The following DOCK9 variants were observed in gnomAD, a reference collection of about 807,000 sequenced individuals.
DOCK9 encodes the protein dedicator of cytokinesis protein 9.
A neutral mutation model predicts 263.3 loss-of-function variants in DOCK9; 89 were observed. The ratio of observed to expected loss-of-function variants is 0.34; its 90% CI spans 0.28 to 0.40. DOCK9 has a LOEUF of 0.40. Ranked by LOEUF, DOCK9 falls within the 10% of genes least tolerant of loss-of-function variation. The pLI is 1.00. For missense variants in DOCK9, 2,140 were observed against 2,603.4 expected, an observed-to-expected ratio of 0.82 and a Z score of 3.87; for synonymous variants, 976 against 973.1, an observed-to-expected ratio of 1.00 and a Z score of -0.06.
chr13:98,999,316 A>G (rs61968896), intron 1 of DOCK9, among the ~76,000 whole-genome samples: 1 of 138,292 alleles, frequency 7.2e-6, no homozygotes, highest in African/African-American at 2.8e-5. Flanking sequence ...ACACACACAC[A>G]CTCTCTCTCT....
intron 3 of DOCK9, among the ~76,000 whole-genome samples, chr13:98,928,004 CAAA>C (rs74265290): frequency 0.018 from 1,113 of 62,236 alleles, 13 homozygotes; most frequent in African/African-American, 0.046. Flanking sequence ...ATCGCACATA[CAAA>C]AAAAAAAAAA....
At chr13:99,085,874 G>A (rs549350126) in intron 1 of DOCK9, among the ~76,000 whole-genome samples, 2 of 151,864 alleles carry the variant, frequency 1.3e-5, no homozygotes, top group African/African-American at 2.4e-5. Context: ...TGCGGGGGAG[G>A]GGGGAGAGTG....
chr13:98,950,386 G>C, intron 2 of DOCK9: 1 of 918,616 alleles, frequency 1.1e-6, no homozygotes, highest in Non-Finnish European at 1.7e-6. Flanking sequence ...GGCTTGATAA[G>C]CCTTCCTCTT....
At chr13:98,843,795 T>C (rs1026053663) in intron 38 of DOCK9, among the ~76,000 whole-genome samples, 3 of 152,172 alleles carry the variant, frequency 2.0e-5, no homozygotes, top group African/African-American at 7.2e-5. Context: ...AGGCCAGCTG[T>C]CTCTCTCCTC....
At chr13:98,940,903 T>C (rs2055722804) in intron 2 of DOCK9, among the ~76,000 whole-genome samples, 1 of 152,178 alleles carries the variant, frequency 6.6e-6, no homozygotes, top group Admixed American at 6.5e-5. Context: ...AAATCTCTCA[T>C]CTGATAGCAT....
chr13:99,086,279 T>G, exon 1 of DOCK9: 3 of 1,496,168 alleles, frequency 2.0e-6, no homozygotes, highest in Non-Finnish European at 2.7e-6. Flanking sequence ...TCGGCCGCCG[T>G]GCCCGGCTTA....
intron 27 of DOCK9, among the ~76,000 whole-genome samples, chr13:98,870,636 A>C (rs1594830699): frequency 6.6e-6 from 1 of 152,184 alleles, no homozygotes; most frequent in Admixed American, 6.5e-5. Context: ...TAAACCTATT[A>C]ATCAACATTA....
intron 9 of DOCK9, among the ~76,000 whole-genome samples, chr13:98,912,163 T>G (rs1197618295): frequency 6.6e-6 from 1 of 152,106 alleles, no homozygotes; most frequent in Admixed American, 6.6e-5. Flanking sequence ...TGAGCCACTA[T>G]GCCCGACCTA....
intron 9 of DOCK9, among the ~76,000 whole-genome samples, chr13:98,909,404 G>A (rs1252246492): frequency 1.3e-5 from 2 of 152,252 alleles, no homozygotes. Flanking sequence ...TTTGCGAGTA[G>A]ATAAAACAAT....
chr13:98,863,190 T>C, intron 31 of DOCK9, 58 bp from the exon 32 acceptor site: 1 of 1,526,940 alleles, frequency 6.5e-7, no homozygotes, highest in Non-Finnish European at 9.0e-7. Context: ...CGAACTAAGT[T>C]GGTGCTGACC....
At chr13:98,868,084 T>G in intron 28 of DOCK9, 73 bp from the exon 29 acceptor site, 1 of 1,548,350 alleles carries the variant, frequency 6.5e-7, no homozygotes, top group Non-Finnish European at 8.8e-7. Context: ...AAGCAGCATT[T>G]ATTGCTAATA....
chr13:98,990,633 C>T (rs1204265272), intron 1 of DOCK9, among the ~76,000 whole-genome samples: 3 of 152,192 alleles, frequency 2.0e-5, no homozygotes, highest in Non-Finnish European at 2.9e-5. Flanking sequence ...GCTGGTGTGC[C>T]ACCTCCATGT....
intron 24 of DOCK9, 62 bp from the exon 25 acceptor site, chr13:98,881,689 T>C (rs2044784855): frequency 6.7e-7 from 1 of 1,485,216 alleles, no homozygotes; most frequent in East Asian, 2.4e-5. Context: ...TTCATTATTA[T>C]CACAGCAGTA....
intron 18 of DOCK9, among the ~76,000 whole-genome samples, chr13:98,887,641 A>AT (rs1555384316): frequency 4.3e-5 from 6 of 140,774 alleles, no homozygotes; most frequent in African/African-American, 5.2e-5. Context: ...AAAAAAAAAA[A>AT]GGATAATAAT....
At chr13:99,064,688 G>A (rs1404974925) in intron 1 of DOCK9, among the ~76,000 whole-genome samples, 1 of 152,172 alleles carries the variant, frequency 6.6e-6, no homozygotes, top group African/African-American at 2.4e-5. Flanking sequence ...GGGAAGCATG[G>A]AAAGGACATT....
intron 18 of DOCK9, among the ~76,000 whole-genome samples, chr13:98,887,143 A>ATATTTT (rs1470080750): frequency 4.2e-5 from 4 of 95,290 alleles, no homozygotes; most frequent in African/African-American, 1.3e-4. Context: ...ATATATATAT[A>ATATTTT]TTTTTTTTTT....
At chr13:98,904,526 C>T in intron 10 of DOCK9, 106 bp downstream of exon 10, 14 of 850,880 alleles carry the variant, frequency 1.6e-5, no homozygotes, top group South Asian at 8.0e-5. Flanking sequence ...AGTTATTTTG[C>T]TTGTTTTTCC....
At chr13:98,949,221 C>T (rs561902289) in intron 2 of DOCK9, among the ~76,000 whole-genome samples, 33 of 152,266 alleles carry the variant, frequency 2.2e-4, no homozygotes, top group Admixed American at 1.5e-3. Context: ...CACAGGTTTG[C>T]GCCACCATGC....
At chr13:98,867,318 GAAA>G in intron 30 of DOCK9, 104 bp downstream of exon 30, 1 of 733,212 alleles carries the variant, frequency 1.4e-6, no homozygotes, top group Non-Finnish European at 2.2e-6. Context: ...ATTCATCAAT[GAAA>G]AAAATCAGAA....
Sources: gnomAD v4.1 joint callset for allele counts (sites outside exome capture counted in the v4.1 genomes callset) on GRCh38, gnomAD v4.1.1 for gene constraint, MANE v1.5 for transcripts, NCBI Gene and HGNC (gene_info 2026-07-23, HGNC 2026-07-21) for gene names.